FER1L6: variants seen among roughly 807,000 people sequenced by gnomAD.
The protein encoded by FER1L6 is fer-1 like family member 6.
FER1L6 carries 177 observed loss-of-function variants against 219.2 expected under a neutral mutation model. The ratio of observed to expected loss-of-function variants is 0.81; its 90% CI spans 0.71 to 0.91. FER1L6 has a LOEUF of 0.91. FER1L6 is among the 40% of genes least tolerant of loss of function. The probability of loss-of-function intolerance (pLI) is 0.00; values close to 1 mark genes in which losing one functional copy is unlikely to be tolerated. For synonymous variants in FER1L6, 768 were observed against 824.3 expected, an observed-to-expected ratio of 0.93 and a Z score of 1.17; for missense variants, 2,153 against 2,259.9, an observed-to-expected ratio of 0.95 and a Z score of 0.96.
intron 33 of FER1L6, among the ~76,000 whole-genome samples, chr8:124,090,677 G>A (rs549038882): frequency 6.6e-6 from 1 of 152,280 alleles, no homozygotes; most frequent in East Asian, 1.9e-4. Flanking sequence ...GCTTATCTTG[G>A]TCCTGGCTTG....
intron 1 of FER1L6, among the ~76,000 whole-genome samples, chr8:123,909,199 A>G (rs4406375): frequency 0.14 from 21,231 of 152,156 alleles, 1,504 homozygotes; most frequent in Middle Eastern, 0.2. Flanking sequence ...AGTTACAGAA[A>G]GATGAAGAGG....
chr8:124,031,034 CTGTTGTG>C (rs1245508590), intron 18 of FER1L6, among the ~76,000 whole-genome samples: 10 of 152,010 alleles, frequency 6.6e-5, no homozygotes, highest in African/African-American at 1.2e-4. Flanking sequence ...TTGTTTTTCT[CTGTTGTG>C]TTTTCTTTTT....
intron 37 of FER1L6, 98 bp from the exon 38 acceptor site, chr8:124,100,999 C>T (rs540624899): frequency 4.5e-6 from 5 of 1,116,192 alleles, no homozygotes; most frequent in Non-Finnish European, 5.2e-6. Flanking sequence ...TTAAACTATG[C>T]TCTGTGACCA....
At chr8:124,082,596 A>C in intron 33 of FER1L6, 138 bp downstream of exon 33, 3 of 709,894 alleles carry the variant, frequency 4.2e-6, no homozygotes, top group African/African-American at 1.8e-5. Flanking sequence ...TGGGCTCCAC[A>C]TCAGCAGAGC....
chr8:123,873,504 G>A (rs74470804), intron 1 of FER1L6, among the ~76,000 whole-genome samples: 4,345 of 152,118 alleles, frequency 0.029, 144 homozygotes, highest in African/African-American at 0.085. Flanking sequence ...ACTTTGAAGC[G>A]GAAAAGTTTT....
chr8:124,024,171 C>T (rs1363195191), intron 18 of FER1L6, among the ~76,000 whole-genome samples: 1 of 151,608 alleles, frequency 6.6e-6, no homozygotes, highest in African/African-American at 2.4e-5. Flanking sequence ...GCTGGGATTA[C>T]AAGCGTGAGC....
chr8:123,949,620 A>C (rs901196059), intron 1 of FER1L6, among the ~76,000 whole-genome samples: 1 of 152,188 alleles, frequency 6.6e-6, no homozygotes, highest in Admixed American at 6.5e-5. Flanking sequence ...TTGATTTTCA[A>C]ATACTTCCCT....
chr8:123,871,332 C>A (rs1189673329), intron 1 of FER1L6, among the ~76,000 whole-genome samples: 1 of 152,078 alleles, frequency 6.6e-6, no homozygotes, highest in Non-Finnish European at 1.5e-5. Flanking sequence ...GTTTCTAACA[C>A]CATTCTTCAA....
intron 1 of FER1L6, among the ~76,000 whole-genome samples, chr8:123,924,374 C>G (rs1292034331): frequency 6.6e-6 from 1 of 151,700 alleles, no homozygotes; most frequent in Non-Finnish European, 1.5e-5. Flanking sequence ...AACCCAGTCT[C>G]TACTAAAAAT....
Position 124,074,230 on chromosome 8 carries a change from TGC to T in FER1L6, c.4093-1967_4093-1966del, listed in dbSNP as rs1204826021. ...AAAAGATCATCATTCAACTGGTCAG[TGC>T]TAAATGCAAGAGTCATAGGGTCATG... On this transcript the variant is annotated intron_variant, in intron 31 of 40. Transcript: ENST00000522917. Among the ~76,000 whole-genome samples the T allele has an allele frequency of 2.0e-5, 3 of 152,332 alleles. No homozygotes were observed. The East Asian group carries it at 5.8e-4, about 29-fold the overall frequency.
chr8:124,116,318 A>G (rs2131043555), intron 39 of FER1L6, among the ~76,000 whole-genome samples: 1 of 152,244 alleles, frequency 6.6e-6, no homozygotes, highest in East Asian at 1.9e-4. Context: ...TGCATGAAAC[A>G]CCATGCAAGT....
At chr8:124,021,427 G>C (rs1563748738) in intron 16 of FER1L6, 123 bp from the exon 17 acceptor site, 1 of 1,343,062 alleles carries the variant, frequency 7.4e-7, no homozygotes, top group East Asian at 2.3e-5. Flanking sequence ...GCAGACCCTG[G>C]AACAGTCCAC....
intron 19 of FER1L6, among the ~76,000 whole-genome samples, chr8:124,035,746 T>C (rs1446965439): frequency 6.6e-6 from 1 of 152,242 alleles, no homozygotes; most frequent in Non-Finnish European, 1.5e-5. Context: ...GTTTGCGTTT[T>C]AAGCAAAAAA....
At chr8:124,025,638 G>T (rs1818675675) in intron 18 of FER1L6, among the ~76,000 whole-genome samples, 1 of 152,068 alleles carries the variant, frequency 6.6e-6, no homozygotes, top group African/African-American at 2.4e-5. Context: ...TTTTTCTTTA[G>T]GATTGCTTTG....
chr8:124,091,428 G>A lies in FER1L6; in HGVS notation c.4397G>A (p.Gly1466Glu). 6.2e-7 allele frequency: 1 copy of A among 1,613,580 alleles called. No homozygotes were observed. The highest frequency in any genetic ancestry group is 8.5e-7 in the Non-Finnish European group (1 of 1,179,692). Residue 1466 changes from glycine to glutamate, a missense_variant, in exon 34 of 41, where the codon GGA (glycine) becomes GAA (glutamate). Gly to Glu is a moderately conservative substitution (Grantham distance 98). Transcript: ENST00000522917. ...GTTCTCCCTCCACTTTTCAGAGAAG[G>A]ATACAATGCCTGGAGAGACACGTCC... is the stretch of plus-strand genomic sequence containing the variant. The part of the protein sequence containing the change: ...CGLQSQYEIE[G>E]YNAWRDTSKP...
intron 39 of FER1L6, among the ~76,000 whole-genome samples, chr8:124,112,751 A>C (rs2131029098): frequency 6.6e-6 from 1 of 152,330 alleles, no homozygotes; most frequent in South Asian, 2.1e-4. Context: ...AGTGAATAAG[A>C]TAAATTCTTA....
At chr8:123,916,835 T>C (rs1648336605) in intron 1 of FER1L6, among the ~76,000 whole-genome samples, 1 of 152,192 alleles carries the variant, frequency 6.6e-6, no homozygotes, top group Non-Finnish European at 1.5e-5. Context: ...CGTCAATGTC[T>C]GGTTTAGCAG....
chr8:123,992,246 A>T (rs1586562593), intron 12 of FER1L6, among the ~76,000 whole-genome samples: 1 of 152,206 alleles, frequency 6.6e-6, no homozygotes, highest in African/African-American at 2.4e-5. Flanking sequence ...CTCTTTCTCA[A>T]TCTTTTGGAA....
intron 1 of FER1L6, among the ~76,000 whole-genome samples, chr8:123,927,230 C>T (rs935135200): frequency 6.6e-6 from 1 of 151,510 alleles, no homozygotes; most frequent in Non-Finnish European, 1.5e-5. Flanking sequence ...AGTCAGATAG[C>T]TCAACAAGAA....
Sources: gnomAD v4.1 joint callset for allele counts (sites outside exome capture counted in the v4.1 genomes callset) on GRCh38, gnomAD v4.1.1 for gene constraint, MANE v1.5 for transcripts, NCBI Gene and HGNC (gene_info 2026-07-23, HGNC 2026-07-21) for gene names.